Variants in TRIM5 observed in about 807,000 individuals in gnomAD.
TRIM5 encodes the protein tripartite motif containing 5.
Under a neutral mutation model 35.6 loss-of-function variants are expected in TRIM5, and 31 were observed. The ratio of observed to expected loss-of-function variants is 0.87; its 90% CI spans 0.65 to 1.18. The LOEUF (loss-of-function observed/expected upper bound fraction) is 1.18, where lower values mean the gene tolerates loss of function less well. Among genes scored for constraint, TRIM5 ranks in the 50% most tolerant of loss-of-function variants. The pLI, the probability that TRIM5 is intolerant of heterozygous loss-of-function variation, is 0.00. For synonymous variants in TRIM5, 243 were observed against 215.6 expected (o/e 1.13, Z -1.11); for missense variants, 609 against 591.6 (o/e 1.03, Z -0.31).
At chr11:5,596,907 T>C in the TRIM5 span, 3 of 1,613,934 alleles carry the variant, frequency 1.9e-6, no homozygotes, top group Non-Finnish European at 2.5e-6. Context: ...GATGTGCGGG[T>C]CAGAGAGGTA....
chr11:5,656,711 A>G, the TRIM5 span, among the ~76,000 whole-genome samples: 1 of 152,200 alleles, frequency 6.6e-6, no homozygotes, highest in Non-Finnish European at 1.5e-5. Flanking sequence ...TTTGAAAAAA[A>G]ACCCATCATC....
chr11:5,634,531 AT>A, the TRIM5 span: 2 of 476,420 alleles, frequency 4.2e-6, no homozygotes, highest in Non-Finnish European at 3.1e-6. Flanking sequence ...ACACACACAC[AT>A]ATATATATAT....
the TRIM5 span, chr11:5,605,624 C>T: frequency 6.5e-7 from 1 of 1,535,438 alleles, no homozygotes; most frequent in African/African-American, 1.4e-5. Context: ...AACTAACTTT[C>T]CTTCCTTTCT....
chr11:5,676,352 C>A (rs932843525), intron 4 of TRIM5, among the ~76,000 whole-genome samples: 1 of 152,072 alleles, frequency 6.6e-6, no homozygotes, highest in African/African-American at 2.4e-5. Context: ...AACTCCCATT[C>A]ACAATTGCTT....
chr11:5,611,492 C>A, the TRIM5 span: 1 of 735,072 alleles, frequency 1.4e-6, no homozygotes, highest in Non-Finnish European at 2.2e-6. Context: ...CTCGCTCTGT[C>A]GCCCAGGCTG....
At chr11:5,630,297 T>TC in the TRIM5 span, among the ~76,000 whole-genome samples, 3 of 152,158 alleles carry the variant, frequency 2.0e-5, no homozygotes, top group African/African-American at 7.2e-5. Context: ...AACCTTTTTT[T>TC]CCCCCACATG....
Position 5,663,229 on chromosome 11 carries a change from T to A in TRIM5, c.*1580A>T, listed in dbSNP as rs1448196749. 1.1e-6 allele frequency: 1 copy of A among 947,314 alleles called. No homozygotes were observed. The highest frequency in any genetic ancestry group is 1.8e-5 in the African/African-American group (1 of 56,510). 58.7% of individuals were successfully genotyped at this position (947,314 alleles called of 1,614,324 possible). A position where few individuals can be genotyped will look rare whatever the true frequency, so the allele number is the denominator to read the frequency against. ...GAGTGAAGCTATTCAAAAAACTCGT[T>A]TAACTTTTAAAAAACTACATCAGCT... On this transcript the variant is annotated 3_prime_UTR_variant, in exon 8 of 8. Transcript: ENST00000380034.
At chr11:5,610,889 G>A in the TRIM5 span, 1 of 1,614,186 alleles carries the variant, frequency 6.2e-7, no homozygotes, top group Admixed American at 1.7e-5. Context: ...GTCTGGAAAA[G>A]CATTATGACT....
chr11:5,595,722 T>A, the TRIM5 span, among the ~76,000 whole-genome samples: 1 of 147,110 alleles, frequency 6.8e-6, no homozygotes, highest in Admixed American at 6.8e-5. Context: ...CAAAAATTCT[T>A]TTTTTTTTTT....
chr11:5,636,524 C>T, the TRIM5 span, among the ~76,000 whole-genome samples: 1 of 152,190 alleles, frequency 6.6e-6, no homozygotes, highest in Non-Finnish European at 1.5e-5. Flanking sequence ...ATTTGAACTA[C>T]ATCTCAGTAA....
the TRIM5 span, among the ~76,000 whole-genome samples, chr11:5,657,578 TATATATAATGC>T: frequency 9.8e-6 from 1 of 102,022 alleles, no homozygotes; most frequent in Non-Finnish European, 1.8e-5. Flanking sequence ...ATTTATATAT[TATATATAATGC>T]ATTATATATA....
chr11:5,623,929 T>C, the TRIM5 span, among the ~76,000 whole-genome samples: 1 of 152,186 alleles, frequency 6.6e-6, no homozygotes, highest in Admixed American at 6.5e-5. Context: ...TATTATGTAA[T>C]GTGCTCTACA....
the TRIM5 span, among the ~76,000 whole-genome samples, chr11:5,625,625 T>C: frequency 5.3e-5 from 8 of 152,270 alleles, no homozygotes; most frequent in East Asian, 1.5e-3. Context: ...CCTCACGTAT[T>C]CTTAGTCCTT....
chr11:5,662,333 T>C (rs1358328431), downstream of TRIM5, among the ~76,000 whole-genome samples: 5 of 152,148 alleles, frequency 3.3e-5, no homozygotes, highest in African/African-American at 1.2e-4. Context: ...CCAATAGACA[T>C]AGGGATCCTA....
chr11:5,631,570 C>T, the TRIM5 span, among the ~76,000 whole-genome samples: 5 of 152,134 alleles, frequency 3.3e-5, no homozygotes, highest in Admixed American at 1.3e-4. Flanking sequence ...CTGTTTCTGT[C>T]GGTATCTCTG....
the TRIM5 span, among the ~76,000 whole-genome samples, chr11:5,607,707 TA>T: frequency 3.3e-5 from 5 of 152,206 alleles, no homozygotes; most frequent in Non-Finnish European, 5.9e-5. Context: ...CTATTTTGTT[TA>T]AATTTGGTGA....
the TRIM5 span, among the ~76,000 whole-genome samples, chr11:5,621,137 C>G: frequency 3.3e-5 from 5 of 152,184 alleles, no homozygotes; most frequent in Non-Finnish European, 7.3e-5. Flanking sequence ...TCCTTTAACC[C>G]CTGCATCCCA....
At chr11:5,609,470 AC>A in the TRIM5 span, among the ~76,000 whole-genome samples, 2 of 152,044 alleles carry the variant, frequency 1.3e-5, no homozygotes, top group Non-Finnish European at 2.9e-5. Flanking sequence ...GACATCTTCA[AC>A]CCCTCTGATT....
At chr11:5,640,328 T>TG in the TRIM5 span, among the ~76,000 whole-genome samples, 1 of 151,060 alleles carries the variant, frequency 6.6e-6, no homozygotes, top group African/African-American at 2.5e-5. Flanking sequence ...TGTTTTGTTT[T>TG]GTTTTTTTTA....
Sources: gnomAD v4.1 joint callset for allele counts (sites outside exome capture counted in the v4.1 genomes callset) on GRCh38, gnomAD v4.1.1 for gene constraint, MANE v1.5 for transcripts, NCBI Gene and HGNC (gene_info 2026-07-23, HGNC 2026-07-21) for gene names.